The following PRKAG2 variants were observed in gnomAD, a reference collection of about 807,000 sequenced individuals.
PRKAG2 encodes 5'-AMP-activated protein kinase subunit gamma-2.
Under a neutral mutation model 69.6 loss-of-function variants are expected in PRKAG2, and 26 were observed. That is an observed-to-expected ratio of 0.37 (90% CI 0.27 to 0.52). PRKAG2 has a LOEUF of 0.52. Among genes scored for constraint, PRKAG2 ranks in the 20% least tolerant of loss-of-function variants. The pLI is 0.90. For synonymous variants in PRKAG2, 293 were observed against 285.0 expected (o/e 1.03, Z -0.28); for missense variants, 557 against 740.0 (o/e 0.75, Z 2.87).
In PRKAG2 at chr7:151,795,858, T is replaced by TGTATATAC. The variant is rs1563689397; in HGVS notation, c.115-9318_115-9317insGTATATAC. Among the ~76,000 whole-genome samples the TGTATATAC allele has an allele frequency of 6.7e-4, 67 of 99,540 alleles. 1 individual carries two copies. The highest frequency in any genetic ancestry group is 4.6e-3 in the South Asian group (16 of 3,500). The allele number at this position is 99,540 out of a possible 152,430, so 65.3% of individuals were successfully genotyped here. ...TTCAAACAAATCTCATATATATATA[T>TGTATATAC]ATATATATATATATATATATATATA... On this transcript the variant is annotated intron_variant, in intron 1 of 15. Transcript: ENST00000287878.
intron 3 of PRKAG2, among the ~76,000 whole-genome samples, chr7:151,695,481 A>C (rs913711266): frequency 6.6e-6 from 1 of 151,844 alleles, no homozygotes; most frequent in African/African-American, 2.4e-5. Context: ...TGTGCACACA[A>C]ACTTTCTCGT....
At chr7:151,822,342 G>A (rs2078805366) in intron 1 of PRKAG2, among the ~76,000 whole-genome samples, 1 of 151,966 alleles carries the variant, frequency 6.6e-6, no homozygotes, top group Admixed American at 6.6e-5. Context: ...CAGGGTCAAG[G>A]GCGGGGGGTG....
chr7:151,586,028 T>A (rs1388335429), intron 6 of PRKAG2, among the ~76,000 whole-genome samples: 1 of 152,236 alleles, frequency 6.6e-6, no homozygotes, highest in Admixed American at 6.5e-5. Flanking sequence ...GGGATGGTCC[T>A]GGGCTGAGGG....
In PRKAG2 at chr7:151,850,753, A is replaced by T. The variant is rs1015300981; in HGVS notation, c.114+25754T>A. Among the ~76,000 whole-genome samples, 1 of 152,196 alleles carries T rather than the reference A, an allele frequency of 6.6e-6. No individual in the cohort carries two copies. On this transcript the variant is annotated intron_variant, in intron 1 of 15. Transcript: ENST00000287878. This position sits in a 1 kb window ranked among gnomAD's most constrained non-coding sequence, Gnocchi z 4.1. ...TCAGAGGTGAGAGTCTGGTGCTCTG[A>T]GCGCTGCCTCGCAGTTGTGCAAATC...
chr7:151,772,377 A>G (rs1382156801), intron 3 of PRKAG2, among the ~76,000 whole-genome samples: 1 of 152,198 alleles, frequency 6.6e-6, no homozygotes. Flanking sequence ...AATCTTCTCC[A>G]ACCAAAACTC....
intron 1 of PRKAG2, among the ~76,000 whole-genome samples, chr7:151,793,213 CA>C (rs1382430897): frequency 6.6e-6 from 1 of 152,192 alleles, no homozygotes; most frequent in Admixed American, 6.5e-5. Flanking sequence ...CTCCTACTCT[CA>C]AACGACCAAA....
At chr7:151,691,674 GA>G (rs1183822215) in intron 3 of PRKAG2, among the ~76,000 whole-genome samples, 1 of 152,182 alleles carries the variant, frequency 6.6e-6, no homozygotes, top group Non-Finnish European at 1.5e-5. Flanking sequence ...ACTAAGTGCT[GA>G]CAATGATTTG....
At chr7:151,747,212 T>C (rs1415201525) in intron 3 of PRKAG2, among the ~76,000 whole-genome samples, 1 of 152,170 alleles carries the variant, frequency 6.6e-6, no homozygotes, top group Non-Finnish European at 1.5e-5. Context: ...GCATATAGGG[T>C]GATCTAGCAA....
At chr7:151,712,378 C>T (rs116225253) in intron 3 of PRKAG2, among the ~76,000 whole-genome samples, 1 of 152,270 alleles carries the variant, frequency 6.6e-6, no homozygotes, top group African/African-American at 2.4e-5. Context: ...AGACTGGGTC[C>T]CTCTCCTCCA....
At chr7:151,830,442 C>T (rs1243873174) in intron 1 of PRKAG2, among the ~76,000 whole-genome samples, 1 of 151,902 alleles carries the variant, frequency 6.6e-6, no homozygotes, top group East Asian at 1.9e-4. Flanking sequence ...TAAGCCAAGC[C>T]CGGGGTCTGA....
At chr7:151,604,555 C>T (rs945016633) in intron 5 of PRKAG2, among the ~76,000 whole-genome samples, 2 of 152,052 alleles carry the variant, frequency 1.3e-5, no homozygotes, top group Non-Finnish European at 2.9e-5. Context: ...GGGAGGGTCT[C>T]TTGAGCCAGG....
At chr7:151,662,049 C>T (rs971323771) in intron 4 of PRKAG2, among the ~76,000 whole-genome samples, 2 of 152,130 alleles carry the variant, frequency 1.3e-5, no homozygotes, top group Admixed American at 1.3e-4. Flanking sequence ...TAATGTTCAG[C>T]CCCCCAAATG....
intron 1 of PRKAG2, among the ~76,000 whole-genome samples, chr7:151,827,410 TG>T (rs2151870876): frequency 6.6e-6 from 1 of 152,138 alleles, no homozygotes; most frequent in South Asian, 2.1e-4. Flanking sequence ...AGCTAATGTT[TG>T]TATTTTTAGT....
chr7:151,822,781 C>T (rs1419693366), intron 1 of PRKAG2, among the ~76,000 whole-genome samples: 2 of 152,176 alleles, frequency 1.3e-5, no homozygotes, highest in Non-Finnish European at 2.9e-5. Flanking sequence ...ACGCCACCTG[C>T]ACCCTGGGTC....
intron 10 of PRKAG2, 134 bp downstream of exon 10, chr7:151,570,037 C>G (rs1160313698): frequency 9.9e-7 from 1 of 1,013,734 alleles, no homozygotes; most frequent in Non-Finnish European, 1.4e-6. Context: ...TGAATGCGTA[C>G]AGTGTAGCTG....
intron 3 of PRKAG2, among the ~76,000 whole-genome samples, chr7:151,738,590 C>T (rs2073636590): frequency 6.6e-6 from 1 of 152,296 alleles, no homozygotes; most frequent in South Asian, 2.1e-4. Context: ...AAGCCACAAA[C>T]AATAGCATGA....
At chr7:151,600,487 T>C (rs1815786149) in intron 5 of PRKAG2, among the ~76,000 whole-genome samples, 1 of 152,238 alleles carries the variant, frequency 6.6e-6, no homozygotes, top group African/African-American at 2.4e-5. Context: ...CAAGTCTATT[T>C]TCATTCTGAC....
intron 1 of PRKAG2, among the ~76,000 whole-genome samples, chr7:151,793,189 A>G (rs2077345276): frequency 1.3e-5 from 2 of 152,138 alleles, no homozygotes; most frequent in Non-Finnish European, 2.9e-5. Context: ...TATCTTCATC[A>G]TCAAAATAAT....
intron 2 of PRKAG2, among the ~76,000 whole-genome samples, chr7:151,783,389 G>A (rs1463215738): frequency 6.6e-6 from 1 of 152,158 alleles, no homozygotes. Context: ...GCTCAAGGCT[G>A]CAGTGCACTG....
Sources: gnomAD v4.1 joint callset for allele counts (sites outside exome capture counted in the v4.1 genomes callset) on GRCh38, gnomAD v4.1.1 for gene constraint, Gnocchi (gnomAD v3.1) non-coding constraint, MANE v1.5 for transcripts, NCBI Gene and HGNC (gene_info 2026-07-23, HGNC 2026-07-21) for gene names.